The following GPC5 variants were observed in gnomAD, a reference collection of about 807,000 sequenced individuals.
GPC5 encodes the protein glypican 5.
Under a neutral mutation model 53.9 loss-of-function variants are expected in GPC5, and 47 were observed. The observed-to-expected ratio is 0.87, with a 90% CI of 0.69 to 1.11. The LOEUF (loss-of-function observed/expected upper bound fraction) is 1.11. Ranked by LOEUF, GPC5 falls within the 50% of genes most tolerant of loss-of-function variation. The pLI is 0.00. For missense variants in GPC5, 748 were observed against 713.1 expected (o/e 1.05, Z -0.56); for synonymous variants, 286 against 263.3 (o/e 1.09, Z -0.84).
chr13:92,118,087 T>G (rs753385253), intron 6 of GPC5, among the ~76,000 whole-genome samples: 1 of 152,140 alleles, frequency 6.6e-6, no homozygotes, highest in African/African-American at 2.4e-5. Flanking sequence ...TTGGTTTTTT[T>G]GTTTGTTTGT....
At chr13:92,131,343 A>G (rs1023823253) in intron 6 of GPC5, among the ~76,000 whole-genome samples, 3 of 152,018 alleles carry the variant, frequency 2.0e-5, no homozygotes, top group Non-Finnish European at 4.4e-5. Flanking sequence ...GTATATATTC[A>G]AGATCATTGA....
chr13:91,849,455 T>G (rs2138887762), intron 5 of GPC5, among the ~76,000 whole-genome samples: 1 of 152,264 alleles, frequency 6.6e-6, no homozygotes, highest in Non-Finnish European at 1.5e-5. Flanking sequence ...ATTTTATACC[T>G]TCCAGTATTT....
chr13:92,199,375 T>C (rs1462894135), intron 7 of GPC5, among the ~76,000 whole-genome samples: 1 of 152,190 alleles, frequency 6.6e-6, no homozygotes, highest in Non-Finnish European at 1.5e-5. Flanking sequence ...TTAAGTTGGA[T>C]GCAAAATTAA....
chr13:91,516,284 G>A (rs1392170996), intron 2 of GPC5, among the ~76,000 whole-genome samples: 5 of 152,116 alleles, frequency 3.3e-5, no homozygotes, highest in Non-Finnish European at 7.3e-5. Flanking sequence ...AAGCAAACTA[G>A]CTAGTACCTG....
chr13:92,812,417 A>G (rs1877328362), intron 7 of GPC5, among the ~76,000 whole-genome samples: 1 of 151,944 alleles, frequency 6.6e-6, no homozygotes, highest in African/African-American at 2.4e-5. Context: ...GTAAGGCATA[A>G]AAATAGAACA....
chr13:91,705,934 G>A (rs1290842478), intron 3 of GPC5, among the ~76,000 whole-genome samples: 2 of 143,292 alleles, frequency 1.4e-5, no homozygotes, highest in Non-Finnish European at 3.0e-5. Flanking sequence ...AGGTTGGAGT[G>A]CAGTGGCACG....
intron 5 of GPC5, among the ~76,000 whole-genome samples, chr13:91,826,840 T>A (rs913949802): frequency 2.8e-4 from 43 of 152,126 alleles, no homozygotes; most frequent in African/African-American, 9.4e-4. Flanking sequence ...TGTATGTGCA[T>A]GTCACACCAT....
intron 6 of GPC5, among the ~76,000 whole-genome samples, chr13:92,087,421 T>A (rs2138890118): frequency 6.6e-6 from 1 of 152,318 alleles, no homozygotes; most frequent in African/African-American, 2.4e-5. Flanking sequence ...TAAATATTTA[T>A]CATCTAAGTG....
chr13:92,346,917 T>C (rs2043417618), intron 7 of GPC5, among the ~76,000 whole-genome samples: 1 of 151,818 alleles, frequency 6.6e-6, no homozygotes, highest in African/African-American at 2.4e-5. Context: ...TTAAATAGAT[T>C]CAACAGAAGA....
intron 2 of GPC5, among the ~76,000 whole-genome samples, chr13:91,484,912 T>C (rs1883505085): frequency 6.6e-6 from 1 of 152,230 alleles, no homozygotes; most frequent in Admixed American, 6.5e-5. Flanking sequence ...AGAAACTCTT[T>C]TGAGAAAGTG....
At chr13:92,674,708 A>G (rs1470420798) in intron 7 of GPC5, among the ~76,000 whole-genome samples, 1 of 152,094 alleles carries the variant, frequency 6.6e-6, no homozygotes, top group Non-Finnish European at 1.5e-5. Flanking sequence ...CTTTCTGTTG[A>G]ATTTTTAACA....
intron 7 of GPC5, among the ~76,000 whole-genome samples, chr13:92,758,566 A>G (rs1458241393): frequency 6.6e-6 from 1 of 152,136 alleles, no homozygotes; most frequent in South Asian, 2.1e-4. Context: ...ATGAATTACA[A>G]TTTATCTGAA....
chr13:91,550,885 C>G (rs1379770143), intron 2 of GPC5, among the ~76,000 whole-genome samples: 1 of 152,112 alleles, frequency 6.6e-6, no homozygotes, highest in Non-Finnish European at 1.5e-5. Flanking sequence ...CTCTTACCTT[C>G]CACCATGTAA....
chr13:91,655,201 T>G (rs1246894525), intron 2 of GPC5, among the ~76,000 whole-genome samples: 1 of 152,144 alleles, frequency 6.6e-6, no homozygotes, highest in Non-Finnish European at 1.5e-5. Context: ...ATAAAATTAA[T>G]GAACTTAAAA....
intron 7 of GPC5, among the ~76,000 whole-genome samples, chr13:92,405,669 C>G (rs965323207): frequency 3.9e-5 from 6 of 152,226 alleles, no homozygotes; most frequent in African/African-American, 1.4e-4. Flanking sequence ...TACATTATAT[C>G]TTATTTATGA....
At chr13:92,517,894 G>T (rs1880859714) in intron 7 of GPC5, among the ~76,000 whole-genome samples, 1 of 152,194 alleles carries the variant, frequency 6.6e-6, no homozygotes, top group Non-Finnish European at 1.5e-5. Flanking sequence ...AAAGGAGGAA[G>T]TTCAAACCCA....
At chr13:92,340,879 G>A (rs2043360686) in intron 7 of GPC5, among the ~76,000 whole-genome samples, 1 of 152,044 alleles carries the variant, frequency 6.6e-6, no homozygotes, top group African/African-American at 2.4e-5. Context: ...AGCATTTAGT[G>A]TCATCGGATA....
intron 1 of GPC5, among the ~76,000 whole-genome samples, chr13:91,445,214 A>G (rs59235928): frequency 0.077 from 11,792 of 152,208 alleles, 1,468 homozygotes; most frequent in African/African-American, 0.27. Context: ...GCAAATCCAG[A>G]TTGCTAGTAT....
chr13:92,580,337 C>T (rs1258737931), intron 7 of GPC5, among the ~76,000 whole-genome samples: 2 of 152,128 alleles, frequency 1.3e-5, no homozygotes, highest in African/African-American at 4.8e-5. Flanking sequence ...GGTTTCTAGT[C>T]TTCCAAATTA....
Sources: allele counts gnomAD v4.1 joint callset (sites outside exome capture counted in the v4.1 genomes callset), GRCh38; gene constraint gnomAD v4.1.1; transcripts MANE v1.5; gene names NCBI Gene and HGNC (gene_info 2026-07-23, HGNC 2026-07-21).